Variants in IL18R1 observed in about 807,000 individuals in gnomAD.
The protein encoded by IL18R1 is interleukin 18 receptor 1.
A neutral mutation model predicts 48.5 loss-of-function variants in IL18R1; 40 were observed. The observed-to-expected ratio is 0.82, with a 90% CI of 0.64 to 1.07. The LOEUF (loss-of-function observed/expected upper bound fraction) is 1.07. Among genes scored for constraint, IL18R1 ranks in the 50% least tolerant of loss-of-function variants. The pLI is 0.00. For missense variants in IL18R1, 596 were observed against 633.7 expected (o/e 0.94, Z 0.64); for synonymous variants, 232 against 225.9 (o/e 1.03, Z -0.24).
chr2:102,384,385 A>G (rs1218542656), intron 6 of IL18R1, among the ~76,000 whole-genome samples: 2 of 152,236 alleles, frequency 1.3e-5, no homozygotes, highest in Non-Finnish European at 2.9e-5. Flanking sequence ...TCTTTCTGTT[A>G]ATTACAAACC....
intron 6 of IL18R1, among the ~76,000 whole-genome samples, chr2:102,382,324 T>C (rs1679968347): frequency 1.3e-5 from 2 of 152,118 alleles, no homozygotes; most frequent in Admixed American, 6.5e-5. Context: ...GTGAGAGCAC[T>C]CTGGAGAGAT....
intron 4 of IL18R1, among the ~76,000 whole-genome samples, chr2:102,372,736 T>C (rs1679342600): frequency 6.6e-6 from 1 of 152,240 alleles, no homozygotes; most frequent in African/African-American, 2.4e-5. Context: ...TCAGTTTTTA[T>C]GTGCCTGGTT....
intron 1 of IL18R1, among the ~76,000 whole-genome samples, chr2:102,358,493 G>A (rs1467815296): frequency 8.5e-5 from 13 of 152,102 alleles, no homozygotes; most frequent in Admixed American, 8.5e-4. Context: ...TTATGTGTGT[G>A]TACACACACG....
At chr2:102,387,468 G>A (rs1456994561) in intron 8 of IL18R1, among the ~76,000 whole-genome samples, 1 of 152,196 alleles carries the variant, frequency 6.6e-6, no homozygotes, top group African/African-American at 2.4e-5. Context: ...CCTGAACTTG[G>A]CAAGCAGGCC....
chr2:102,373,788 T>G (rs757995176), intron 4 of IL18R1: 1 of 208,446 alleles, frequency 4.8e-6, no homozygotes, highest in Non-Finnish European at 1.0e-5. Context: ...CTCACTAACA[T>G]TACCACCTCC....
At chr2:102,368,194 G>C (rs1573192107) in intron 3 of IL18R1, 126 bp downstream of exon 3, 2 of 1,035,514 alleles carry the variant, frequency 1.9e-6, no homozygotes, top group Middle Eastern at 2.3e-4. Context: ...CTCTTCCTAT[G>C]ACATGAAATA....
chr2:102,394,437 C>A, intron 9 of IL18R1, 32 bp from the exon 10 acceptor site: 1 of 1,533,686 alleles, frequency 6.5e-7, no homozygotes, highest in African/African-American at 1.4e-5. Flanking sequence ...TTTATTTACA[C>A]ATGAATTAAA....
intron 9 of IL18R1, among the ~76,000 whole-genome samples, chr2:102,394,045 A>G (rs1335865078): frequency 6.6e-6 from 1 of 152,118 alleles, no homozygotes; most frequent in Non-Finnish European, 1.5e-5. Flanking sequence ...GGTCTTTGTT[A>G]TTTAGGAGAC....
intron 6 of IL18R1, among the ~76,000 whole-genome samples, chr2:102,383,965 A>G (rs1351886998): frequency 1.3e-5 from 2 of 152,126 alleles, no homozygotes; most frequent in Admixed American, 6.5e-5. Flanking sequence ...TCTATTGATT[A>G]TGGTGCACAT....
At chr2:102,395,914 A>C (rs1009724868) in intron 10 of IL18R1, among the ~76,000 whole-genome samples, 2 of 152,188 alleles carry the variant, frequency 1.3e-5, no homozygotes, top group Non-Finnish European at 2.9e-5. Flanking sequence ...CTGAGCTACA[A>C]CAACAGAACT....
chr2:102,394,460 A>T lies in IL18R1; in HGVS notation c.1112-9A>T. The T allele has an allele frequency of 6.3e-7, 1 of 1,594,566 alleles. No homozygotes were observed. The highest frequency in any genetic ancestry group is 8.5e-7 in the Non-Finnish European group (1 of 1,169,640). ...CACATGAATTAAAAGAGCCAATCTT[A>T]CCTCCTAGATGGAAAAACATATGAT... On this transcript the variant is annotated splice_polypyrimidine_tract_variant and intron_variant, in intron 9 of 10. Transcript: ENST00000233957.
intron 1 of IL18R1, among the ~76,000 whole-genome samples, chr2:102,359,405 C>T (rs938777811): frequency 3.9e-5 from 6 of 152,046 alleles, no homozygotes; most frequent in Admixed American, 2.0e-4. Flanking sequence ...AAAGAATGAT[C>T]GGTTTGACTA....
intron 8 of IL18R1, among the ~76,000 whole-genome samples, chr2:102,388,538 T>C (rs1380189021): frequency 6.6e-6 from 1 of 152,120 alleles, no homozygotes; most frequent in East Asian, 1.9e-4. Context: ...TGGCCAGGCT[T>C]TCCTGGGGCC....
chr2:102,362,979 G>T, intron 2 of IL18R1: 1 of 268,840 alleles, frequency 3.7e-6, no homozygotes, highest in Non-Finnish European at 6.9e-6. Context: ...GTTTTAGGAA[G>T]TTTGAAACAC....
intron 8 of IL18R1, among the ~76,000 whole-genome samples, chr2:102,389,842 G>A (rs765846342): frequency 1.2e-4 from 19 of 152,092 alleles, no homozygotes; most frequent in Admixed American, 2.0e-4. Flanking sequence ...CTAAATATCC[G>A]TGTACACATT....
rs936503773 is a variant in IL18R1, at chr2:102,397,128, C to T, written c.*242C>T. The T allele has an allele frequency of 2.3e-6, 1 of 435,298 alleles. No homozygotes were observed. The highest frequency in any genetic ancestry group is 2.0e-5 in the African/African-American group (1 of 49,208). 27.0% of individuals were successfully genotyped at this position (435,298 alleles called of 1,614,324 possible). On this transcript the variant is annotated 3_prime_UTR_variant, in exon 11 of 11. Coordinates refer to ENST00000233957, the MANE Select transcript of IL18R1 (RefSeq NM_003855.5). Reference sequence around the variant, plus strand: ...AGAAATGGAGCTATTCTTTTTCTCCCTCTTTCATAACTGGATGCAGCTGCT... The same window carrying T: ...AGAAATGGAGCTATTCTTTTTCTCCTTCTTTCATAACTGGATGCAGCTGCT...
At chr2:102,357,319 G>A (rs755238659) in intron 1 of IL18R1, among the ~76,000 whole-genome samples, 20 of 151,842 alleles carry the variant, frequency 1.3e-4, no homozygotes, top group Middle Eastern at 3.2e-3. Flanking sequence ...GTGAAACCCC[G>A]TCTCTACTAA....
intron 8 of IL18R1, among the ~76,000 whole-genome samples, chr2:102,387,260 C>T (rs1053075993): frequency 4.6e-5 from 7 of 152,158 alleles, no homozygotes; most frequent in Admixed American, 4.6e-4. Context: ...CTTGGAGATA[C>T]AGATGCTGAG....
At chr2:102,394,009 T>C (rs1249141725) in intron 9 of IL18R1, among the ~76,000 whole-genome samples, 2 of 152,234 alleles carry the variant, frequency 1.3e-5, no homozygotes, top group East Asian at 1.9e-4. Flanking sequence ...AGTGGTATCA[T>C]GTTTTAATTA....
Sources: gnomAD v4.1 joint callset for allele counts (sites outside exome capture counted in the v4.1 genomes callset) on GRCh38, gnomAD v4.1.1 for gene constraint, MANE v1.5 for transcripts, NCBI Gene and HGNC (gene_info 2026-07-23, HGNC 2026-07-21) for gene names.